The following SRGAP3 variants were observed in gnomAD, a reference collection of about 807,000 sequenced individuals.
SRGAP3 encodes the protein SLIT-ROBO Rho GTPase activating protein 3.
A neutral mutation model predicts 121.1 loss-of-function variants in SRGAP3; 39 were observed. That is an observed-to-expected ratio of 0.32 (90% CI 0.25 to 0.42). SRGAP3 has a LOEUF of 0.42. SRGAP3 is among the 10% of genes least tolerant of loss of function. The pLI is 1.00. For synonymous variants in SRGAP3, 601 were observed against 570.0 expected (o/e 1.05, Z -0.77); for missense variants, 1,213 against 1,470.6 (o/e 0.82, Z 2.86).
At chr3:9,294,546 C>CA (rs1392317882) in intron 3 of SRGAP3, among the ~76,000 whole-genome samples, 193 of 84,432 alleles carry the variant, frequency 2.3e-3, no homozygotes, top group African/African-American at 5.1e-3. Context: ...AACAAACAAA[C>CA]AAACAAAAAA....
rs535968708 is a variant in SRGAP3 at position 9,133,411 on chromosome 3, G to C, written c.68-8494C>G. 2.6e-5 allele frequency among the ~76,000 whole-genome samples: 4 copies of C among 152,278 alleles called. No homozygotes were observed. The East Asian group carries it at 7.7e-4, about 29-fold the overall frequency. On this transcript the variant is annotated intron_variant, in intron 1 of 21. Coordinates refer to ENST00000383836, the MANE Select transcript of SRGAP3 (RefSeq NM_014850.4). Reference sequence around the variant, plus strand: ...AAGCGGGAGAATTGCTTGAATCTGGGAGGTGGAGGTTGCAGTGAGCTGAGA... The same window carrying C: ...AAGCGGGAGAATTGCTTGAATCTGGCAGGTGGAGGTTGCAGTGAGCTGAGA...
At chr3:9,047,945 G>A (rs542226951) in intron 9 of SRGAP3, among the ~76,000 whole-genome samples, 1 of 152,232 alleles carries the variant, frequency 6.6e-6, no homozygotes, top group Non-Finnish European at 1.5e-5. Flanking sequence ...CCTTTCATCT[G>A]GCCCCACTTT....
chr3:9,112,857 T>C (rs749179463), intron 2 of SRGAP3, among the ~76,000 whole-genome samples: 6 of 152,202 alleles, frequency 3.9e-5, no homozygotes, highest in Non-Finnish European at 8.8e-5. Flanking sequence ...CATCAGTGCT[T>C]CTCTGGTGCC....
In SRGAP3 at chr3:9,053,111, C is replaced by A; in HGVS notation, c.1239G>T (p.Ser413=). Residue 413 remains serine (S), a synonymous_variant, in exon 9 of 22, where the codon TCG becomes TCT. Coordinates refer to ENST00000383836, the MANE Select transcript of SRGAP3 (RefSeq NM_014850.4). ...TGCTCATGTAGGTCTCAGAGGCAGC[C>A]GACTTGACGGACTCTGTCGATCGAC... ...QHSRSTESVK[S]AASETYMSKI... 6.2e-7 allele frequency: 1 copy of A among 1,614,150 alleles called. No homozygotes were observed. Among genetic ancestry groups the A allele is most frequent in the Non-Finnish European group, 8.5e-7 (1 of 1,180,036 alleles).
chr3:9,112,288 C>G (rs911009179), intron 2 of SRGAP3, among the ~76,000 whole-genome samples: 1 of 152,200 alleles, frequency 6.6e-6, no homozygotes, highest in Admixed American at 6.5e-5. Context: ...ACTGGGCTTG[C>G]GTCCGAGAAA....
chr3:9,105,887 C>T (rs971976695), intron 2 of SRGAP3, among the ~76,000 whole-genome samples: 4 of 152,202 alleles, frequency 2.6e-5, no homozygotes, highest in Non-Finnish European at 4.4e-5. Flanking sequence ...CCTACCCTAC[C>T]TTAAACGTGC....
intron 18 of SRGAP3, among the ~76,000 whole-genome samples, chr3:9,002,012 A>C (rs1942799206): frequency 6.6e-6 from 1 of 152,218 alleles, no homozygotes. Context: ...ACAACTAGAC[A>C]GAAGATCAAA....
At chr3:9,268,223 G>A (rs756879092) in intron 3 of SRGAP3, among the ~76,000 whole-genome samples, 13 of 151,926 alleles carry the variant, frequency 8.6e-5, no homozygotes, top group Non-Finnish European at 1.5e-4. Flanking sequence ...AGATAATTAG[G>A]GTTAGATGAG....
chr3:9,317,761 A>G (rs568656498), intron 3 of SRGAP3, among the ~76,000 whole-genome samples: 1 of 152,358 alleles, frequency 6.6e-6, no homozygotes, highest in East Asian at 1.9e-4. Context: ...CATTTCTAAC[A>G]AGTGCCCTCT....
At chr3:9,074,543 T>C (rs1029187476) in intron 4 of SRGAP3, among the ~76,000 whole-genome samples, 2 of 152,184 alleles carry the variant, frequency 1.3e-5, no homozygotes, top group Non-Finnish European at 2.9e-5. Context: ...AAATATTCAG[T>C]AAATGACAGA....
At chr3:9,058,617 A>G in intron 6 of SRGAP3, 145 bp from the exon 7 acceptor site, 2 of 816,556 alleles carry the variant, frequency 2.4e-6, no homozygotes, top group Non-Finnish European at 4.0e-6. Context: ...TTGGAATCCT[A>G]CTGCACAAAC....
intron 3 of SRGAP3, among the ~76,000 whole-genome samples, chr3:9,324,146 AT>A (rs1176402696): frequency 6.6e-6 from 1 of 151,878 alleles, no homozygotes; most frequent in Non-Finnish European, 1.5e-5. Context: ...GGTCACTGGG[AT>A]TGGCCAACAC....
chr3:9,203,834 G>C (rs1952161306), intron 1 of SRGAP3, among the ~76,000 whole-genome samples: 1 of 152,204 alleles, frequency 6.6e-6, no homozygotes, highest in Admixed American at 6.5e-5. Context: ...CGTGCAAATG[G>C]CTTTCATACC....
chr3:9,274,298 C>A (rs143116787), intron 3 of SRGAP3, among the ~76,000 whole-genome samples: 1 of 152,370 alleles, frequency 6.6e-6, no homozygotes, highest in African/African-American at 2.4e-5. Flanking sequence ...GACCCCTTCA[C>A]AAGTGGGAAC....
chr3:9,025,385 T>C, intron 13 of SRGAP3, 47 bp from the exon 14 acceptor site: 2 of 1,587,506 alleles, frequency 1.3e-6, no homozygotes, highest in Non-Finnish European at 1.7e-6. Flanking sequence ...CCACGAGACC[T>C]TGAGTTCATT....
chr3:9,312,197 C>T (rs1289503462), intron 3 of SRGAP3, among the ~76,000 whole-genome samples: 1 of 152,116 alleles, frequency 6.6e-6, no homozygotes. Context: ...CTCTGTCGCC[C>T]AGCCTGGAGT....
chr3:9,162,408 C>A (rs533117933), intron 1 of SRGAP3, among the ~76,000 whole-genome samples: 1 of 152,264 alleles, frequency 6.6e-6, no homozygotes, highest in Admixed American at 6.5e-5. Context: ...ACACCTCCCC[C>A]CAAGATAACT....
At chr3:9,302,295 G>T (rs1415338661) in intron 3 of SRGAP3, among the ~76,000 whole-genome samples, 1 of 152,154 alleles carries the variant, frequency 6.6e-6, no homozygotes, top group Non-Finnish European at 1.5e-5. Context: ...AATGAGAAAC[G>T]GGAGGGTGCG....
chr3:9,157,309 A>G (rs1336599200), intron 1 of SRGAP3, among the ~76,000 whole-genome samples: 1 of 152,164 alleles, frequency 6.6e-6, no homozygotes, highest in Non-Finnish European at 1.5e-5. Context: ...AGATCTCATG[A>G]GAACTCACTA....
Sources: allele counts gnomAD v4.1 joint callset (sites outside exome capture counted in the v4.1 genomes callset), GRCh38; gene constraint gnomAD v4.1.1; transcripts MANE v1.5; gene names NCBI Gene and HGNC (gene_info 2026-07-23, HGNC 2026-07-21).